The following LZTFL1 variants were observed in gnomAD, a reference collection of about 807,000 sequenced individuals.
LZTFL1 encodes the protein leucine zipper transcription factor like 1, also known as leucine zipper transcription factor-like protein 1.
LZTFL1 carries 25 observed loss-of-function variants against 45.9 expected under a neutral mutation model. The ratio of observed to expected loss-of-function variants is 0.54; its 90% CI spans 0.40 to 0.76. The LOEUF is 0.76. Among genes scored for constraint, LZTFL1 ranks in the 30% least tolerant of loss-of-function variants. The pLI is 0.00. For synonymous variants in LZTFL1, 93 were observed against 117.4 expected (o/e 0.79, Z 1.35); for missense variants, 277 against 331.1 (o/e 0.84, Z 1.27).
rs138599346 is a variant in LZTFL1 at position 45,869,347 on chromosome 3, A to G, written c.-214-10331T>C. Among the ~76,000 whole-genome samples the G allele has an allele frequency of 1.0e-2, 1,522 of 152,320 alleles. 30 individuals carry two copies. Among genetic ancestry groups the G allele is most frequent in the African/African-American group, 0.034 (1,432 of 41,574 alleles). On this transcript the variant is annotated intron_variant, in intron 2 of 4. Transcript: ENST00000472635. ...GTAATCAATTTTTATTTTTCATTTC[A>G]TGAAGACTTTCCTAGAAGCAGGAAA...
At position 45,902,719 on chromosome 3, in the gene LZTFL1, G is replaced by A. The variant is rs192083942; in HGVS notation, c.-215+10401C>T. 7.8e-5 allele frequency: 13 copies of A among 167,204 alleles called. No homozygotes were observed. The East Asian group carries it at 2.5e-3, about 32-fold the overall frequency. 10.4% of individuals were successfully genotyped at this position (167,204 alleles called of 1,614,324 possible). ...GGAGCCAGCCTTGGCCCTGTTGTAG[G>A]CTTGTTCTGTTGAGTGGCACTTGCT... On this transcript the variant is annotated intron_variant, in intron 2 of 4. Transcript: ENST00000472635.
At chr3:45,903,907 T>C (rs1033031019) in intron 2 of LZTFL1, among the ~76,000 whole-genome samples, 5 of 152,228 alleles carry the variant, frequency 3.3e-5, no homozygotes, top group Non-Finnish European at 5.9e-5. Flanking sequence ...TTATAGGAAC[T>C]TGAGAGAATA....
chr3:45,887,529 C>T (rs1482769643), intron 2 of LZTFL1, among the ~76,000 whole-genome samples: 2 of 152,204 alleles, frequency 1.3e-5, no homozygotes, highest in Non-Finnish European at 2.9e-5. Flanking sequence ...TTAGCTGTTA[C>T]TCCATAGACG....
intron 2 of LZTFL1, among the ~76,000 whole-genome samples, chr3:45,905,320 T>A (rs1033969257): frequency 6.6e-6 from 1 of 152,198 alleles, no homozygotes; most frequent in Non-Finnish European, 1.5e-5. Flanking sequence ...ATGAGCTAGT[T>A]CTCTAATCAT....
intron 2 of LZTFL1, among the ~76,000 whole-genome samples, chr3:45,865,102 G>A (rs1406982297): frequency 6.6e-6 from 1 of 152,200 alleles, no homozygotes; most frequent in African/African-American, 2.4e-5. Context: ...CTCCAGAAGG[G>A]TGATCATGCC....
chr3:45,861,546 A>T lies in LZTFL1; in HGVS notation c.-214-2530T>A, dbSNP rs147247310. On this transcript the variant is annotated intron_variant, in intron 2 of 4. Transcript: ENST00000472635. ...TTTAAAAGAAGTCCTATGAGTAAGTAGACCTTGCGATGATGCATTATAGCA... is the reference window on the plus strand; with the variant it reads ...TTTAAAAGAAGTCCTATGAGTAAGTTGACCTTGCGATGATGCATTATAGCA... 6.6e-5 allele frequency among the ~76,000 whole-genome samples: 10 copies of T among 152,332 alleles called. No homozygotes were observed. The East Asian group carries it at 1.9e-3, about 29-fold the overall frequency.
chr3:45,854,046 A>G (rs1701348431), intron 4 of LZTFL1, among the ~76,000 whole-genome samples: 1 of 152,048 alleles, frequency 6.6e-6, no homozygotes, highest in African/African-American at 2.4e-5. Context: ...ACCATTTTAC[A>G]CTATGGACAC....
chr3:45,855,592 T>C (rs1408953166), intron 3 of LZTFL1, among the ~76,000 whole-genome samples: 1 of 152,112 alleles, frequency 6.6e-6, no homozygotes, highest in African/African-American at 2.4e-5. Flanking sequence ...GGTATTCAAA[T>C]AGGAACAGAG....
chr3:45,841,855 C>T (rs1701125409), intron 1 of LZTFL1, 134 bp downstream of exon 1: 4 of 1,213,928 alleles, frequency 3.3e-6, no homozygotes, highest in South Asian at 1.3e-5. Flanking sequence ...CGCAGCTCCC[C>T]TTCTCAGGGA....
intron 2 of LZTFL1, among the ~76,000 whole-genome samples, chr3:45,906,872 A>C (rs369392466): frequency 4.8e-4 from 73 of 152,152 alleles, no homozygotes; most frequent in African/African-American, 1.5e-3. Context: ...TCCCTGCCCC[A>C]TTCCCCTGCC....
intron 2 of LZTFL1, among the ~76,000 whole-genome samples, chr3:45,861,561 G>A (rs1479077527): frequency 6.6e-6 from 1 of 152,168 alleles, no homozygotes; most frequent in Non-Finnish European, 1.5e-5. Flanking sequence ...TTGCGATGAT[G>A]CATTATAGCA....
chr3:45,887,723 C>T (rs1702025628), intron 2 of LZTFL1, among the ~76,000 whole-genome samples: 1 of 152,220 alleles, frequency 6.6e-6, no homozygotes, highest in Non-Finnish European at 1.5e-5. Context: ...TCTGAAGCCT[C>T]TTTGTGTAGG....
chr3:45,910,106 G>A (rs1326395902), intron 2 of LZTFL1, among the ~76,000 whole-genome samples: 1 of 152,168 alleles, frequency 6.6e-6, no homozygotes, highest in Non-Finnish European at 1.5e-5. Flanking sequence ...TTTTTAAGTG[G>A]GGTGTGGCAT....
intron 5 of LZTFL1, chr3:45,832,795 G>A: frequency 3.2e-6 from 1 of 315,460 alleles, no homozygotes. Flanking sequence ...AACTTTAAAT[G>A]TCCATCAATA....
At chr3:45,891,468 G>A (rs1430292397) in intron 2 of LZTFL1, among the ~76,000 whole-genome samples, 1 of 151,552 alleles carries the variant, frequency 6.6e-6, no homozygotes, top group Non-Finnish European at 1.5e-5. Flanking sequence ...TTAATTTTTT[G>A]CATTTTTTGC....
rs56192301 is a variant in LZTFL1 at position 45,900,969 on chromosome 3, G to A, written c.-215+12151C>T. 47 of 1,614,150 alleles carry A rather than the reference G, an allele frequency of 2.9e-5. No individual in the cohort carries two copies. In the East Asian group the frequency reaches 7.6e-4, roughly 26 times the overall value. ...ACCCTTGTACTGGCTCGTGTTCATC[G>A]TGGGTGCCTTGGGCAACAGTCTTGT... On this transcript the variant is annotated intron_variant, in intron 2 of 4. Transcript: ENST00000472635. The surrounding 1 kb of genome is among the most constrained non-coding windows in gnomAD (Gnocchi z 4.7).
chr3:45,867,367 G>A (rs75826707), intron 2 of LZTFL1, among the ~76,000 whole-genome samples: 2,566 of 151,996 alleles, frequency 0.017, 46 homozygotes, highest in Non-Finnish European at 0.024. Flanking sequence ...GGGCACTTCC[G>A]GGCCATTCTT....
intron 3 of LZTFL1, 125 bp from the exon 4 acceptor site, chr3:45,834,423 C>T (rs1700912178): frequency 1.8e-6 from 1 of 570,584 alleles, no homozygotes; most frequent in Non-Finnish European, 3.1e-6. Flanking sequence ...ATGGACCAAA[C>T]TTCACCATAT....
chr3:45,885,289 G>T (rs1701949972), intron 2 of LZTFL1, among the ~76,000 whole-genome samples: 1 of 152,134 alleles, frequency 6.6e-6, no homozygotes, highest in South Asian at 2.1e-4. Context: ...ATATAAAAGG[G>T]ATCTTTGTCA....
Sources: gnomAD v4.1 joint callset for allele counts (sites outside exome capture counted in the v4.1 genomes callset) on GRCh38, gnomAD v4.1.1 for gene constraint, Gnocchi (gnomAD v3.1) non-coding constraint, MANE v1.5 for transcripts, NCBI Gene and HGNC (gene_info 2026-07-23, HGNC 2026-07-21) for gene names.